RSRC1: variants seen among roughly 807,000 people sequenced by gnomAD.
RSRC1 encodes serine/Arginine-related protein 53.
RSRC1 carries 39 observed loss-of-function variants against 49.1 expected under a neutral mutation model. That is an observed-to-expected ratio of 0.79 (90% CI 0.61 to 1.04). The LOEUF is 1.04. Ranked by LOEUF, RSRC1 falls within the 50% of genes least tolerant of loss-of-function variation. RSRC1 has a pLI of 0.00. For synonymous variants in RSRC1, 143 were observed against 130.8 expected, an observed-to-expected ratio of 1.09 and a Z score of -0.63; for missense variants, 388 against 402.4, an observed-to-expected ratio of 0.96 and a Z score of 0.31.
At chr3:158,466,302 A>G (rs1257005968) in intron 7 of RSRC1, among the ~76,000 whole-genome samples, 3 of 152,192 alleles carry the variant, frequency 2.0e-5, no homozygotes, top group African/African-American at 4.8e-5. Context: ...ATTTTCAGTA[A>G]GATGTTTATG....
At chr3:158,457,397 A>G (rs1471031631) in intron 6 of RSRC1, among the ~76,000 whole-genome samples, 2 of 152,200 alleles carry the variant, frequency 1.3e-5, no homozygotes, top group Non-Finnish European at 2.9e-5. Context: ...AATAGGACAT[A>G]CTAAGGGAAG....
intron 5 of RSRC1, among the ~76,000 whole-genome samples, chr3:158,341,382 C>T (rs553091944): frequency 4.6e-5 from 7 of 152,014 alleles, no homozygotes; most frequent in South Asian, 2.1e-4. Flanking sequence ...CTAGGGACTT[C>T]GTGCCCTGTG....
Position 158,182,753 on chromosome 3 carries a change from G to A in RSRC1, c.321-20319G>A, listed in dbSNP as rs551513349. Among the ~76,000 whole-genome samples, 5 of 152,212 alleles carry A rather than the reference G, an allele frequency of 3.3e-5. No homozygotes were observed. The South Asian group carries it at 1.0e-3, about 32-fold the overall frequency. ...AATTAGTATTCCTTTGTTCTGATAC[G>A]TTTTAAATACTATTCTTCTCTCAAG... On this transcript the variant is annotated intron_variant, in intron 3 of 9. Transcript: ENST00000611884.
intron 6 of RSRC1, among the ~76,000 whole-genome samples, chr3:158,421,668 A>T (rs886903096): frequency 6.6e-6 from 1 of 151,908 alleles, no homozygotes; most frequent in Non-Finnish European, 1.5e-5. Context: ...AATATTCTTA[A>T]TGAAACTATA....
At chr3:158,431,103 G>A (rs1470035113) in intron 6 of RSRC1, among the ~76,000 whole-genome samples, 1 of 151,874 alleles carries the variant, frequency 6.6e-6, no homozygotes, top group Non-Finnish European at 1.5e-5. Context: ...GCACCTCATT[G>A]TGTGGAACAG....
chr3:158,458,414 A>C (rs1379994936), intron 6 of RSRC1, among the ~76,000 whole-genome samples: 1 of 152,116 alleles, frequency 6.6e-6, no homozygotes, highest in Non-Finnish European at 1.5e-5. Context: ...CAAAAACTGC[A>C]ATTACTAAAA....
intron 6 of RSRC1, among the ~76,000 whole-genome samples, chr3:158,388,935 C>T (rs926708039): frequency 3.9e-5 from 6 of 152,062 alleles, no homozygotes; most frequent in Non-Finnish European, 5.9e-5. Context: ...ATGACCCTTA[C>T]CCCTTGAAAT....
chr3:158,545,070 C>A lies in RSRC1; in HGVS notation c.*795C>A, dbSNP rs1465375496. On this transcript the variant is annotated 3_prime_UTR_variant, in exon 10 of 10. Transcript: ENST00000611884. ...ATCTGCCATTGTAGAATACCTTTCT[C>A]TAGTAGCTGAATGACAATCAACTAT... The A allele has an allele frequency of 2.6e-5, 4 of 152,064 alleles. No individual in the cohort carries two copies. The highest frequency in any genetic ancestry group is 9.7e-5 in the African/African-American group (4 of 41,412). 9.4% of individuals were successfully genotyped at this position (152,064 alleles called of 1,614,324 possible).
chr3:158,218,788 C>G (rs1251079361), intron 4 of RSRC1, among the ~76,000 whole-genome samples: 1 of 151,608 alleles, frequency 6.6e-6, no homozygotes, highest in Non-Finnish European at 1.5e-5. Context: ...ATCACAGTGA[C>G]TGCTGGATGT....
chr3:158,474,939 A>G (rs1335184312), intron 7 of RSRC1, among the ~76,000 whole-genome samples: 1 of 152,008 alleles, frequency 6.6e-6, no homozygotes, highest in Non-Finnish European at 1.5e-5. Context: ...TGGTTGAGAT[A>G]GGGTCTTGCT....
At chr3:158,542,679 G>A (rs1199756790) in intron 8 of RSRC1, among the ~76,000 whole-genome samples, 1 of 152,192 alleles carries the variant, frequency 6.6e-6, no homozygotes, top group East Asian at 1.9e-4. Flanking sequence ...TGGAAGGAAT[G>A]GGGAATGATT....
intron 6 of RSRC1, among the ~76,000 whole-genome samples, chr3:158,455,485 T>G (rs1017787216): frequency 6.6e-6 from 1 of 152,014 alleles, no homozygotes; most frequent in Non-Finnish European, 1.5e-5. Flanking sequence ...CTACAATAAT[T>G]GAAAAAGCCA....
At chr3:158,279,609 G>A (rs1282735459) in intron 4 of RSRC1, among the ~76,000 whole-genome samples, 1 of 152,170 alleles carries the variant, frequency 6.6e-6, no homozygotes, top group African/African-American at 2.4e-5. Context: ...ACCATAAATT[G>A]AATATAGGTT....
At chr3:158,311,293 A>T (rs929514368) in intron 5 of RSRC1, among the ~76,000 whole-genome samples, 2 of 151,930 alleles carry the variant, frequency 1.3e-5, no homozygotes, top group Non-Finnish European at 2.9e-5. Flanking sequence ...AGCACCTGGT[A>T]TATCGGTTGT....
intron 4 of RSRC1, among the ~76,000 whole-genome samples, chr3:158,295,612 G>T (rs1194359598): frequency 1.3e-5 from 2 of 152,078 alleles, no homozygotes; most frequent in Non-Finnish European, 2.9e-5. Context: ...AATGAAGGTT[G>T]TTGGATAGCC....
intron 6 of RSRC1, among the ~76,000 whole-genome samples, chr3:158,445,054 T>G (rs1372623102): frequency 1.3e-5 from 2 of 152,166 alleles, no homozygotes; most frequent in African/African-American, 2.4e-5. Flanking sequence ...ACACTGTTGG[T>G]GGGACTGTAA....
At chr3:158,368,851 A>G (rs1275805122) in intron 6 of RSRC1, among the ~76,000 whole-genome samples, 1 of 152,166 alleles carries the variant, frequency 6.6e-6, no homozygotes, top group African/African-American at 2.4e-5. Context: ...TTATAGGAGA[A>G]ATTATAGGTC....
intron 3 of RSRC1, chr3:158,132,147 C>A: frequency 2.2e-6 from 1 of 450,032 alleles, no homozygotes; most frequent in South Asian, 1.6e-5. Context: ...CCACACCCAA[C>A]TATGATTTTT....
chr3:158,487,241 A>G (rs1349404212), intron 7 of RSRC1, among the ~76,000 whole-genome samples: 1 of 152,178 alleles, frequency 6.6e-6, no homozygotes, highest in East Asian at 1.9e-4. Flanking sequence ...TCATGTACCT[A>G]TATTGAATCA....
Sources: allele counts gnomAD v4.1 joint callset (sites outside exome capture counted in the v4.1 genomes callset), GRCh38; gene constraint gnomAD v4.1.1; transcripts MANE v1.5; gene names NCBI Gene and HGNC (gene_info 2026-07-23, HGNC 2026-07-21).